ZSWIM8: variants seen among roughly 807,000 people sequenced by gnomAD.
ZSWIM8 encodes zinc finger SWIM domain-containing protein 8.
A neutral mutation model predicts 173.7 loss-of-function variants in ZSWIM8; 27 were observed. The observed-to-expected ratio is 0.16, with a 90% CI of 0.11 to 0.21. ZSWIM8 has a LOEUF of 0.21. Ranked by LOEUF, ZSWIM8 falls within the 10% of genes least tolerant of loss-of-function variation. ZSWIM8 has a pLI of 1.00. For synonymous variants in ZSWIM8, 958 were observed against 962.0 expected (o/e 1.00, Z 0.08); for missense variants, 1,627 against 2,428.8 (o/e 0.67, Z 6.94).
In ZSWIM8 at chr10:73,800,373, C is replaced by T. The variant is rs1327059802; in HGVS notation, c.4903C>T (p.Pro1635Ser). Residue 1635 changes from proline (P) to serine (S), a missense_variant, in exon 23 of 26, where the codon CCT becomes TCT. Pro to Ser is a moderately conservative substitution (Grantham distance 74). Coordinates refer to ENST00000604729, the MANE Select transcript of ZSWIM8 (RefSeq NM_001367799.1). This position sits in a 1 kb window ranked among gnomAD's most constrained non-coding sequence, Gnocchi z 4.1. ...GCCTGCCCTGACCACACAGCCCAGC[C>T]CTCTGGTGAGCGGAGGTTTTCCACC... ...SLPALTTQPS[P>S]LVSGGFPPPE... is the part of the protein sequence containing the mutation. 6 of 1,613,840 alleles carry T rather than the reference C, an allele frequency of 3.7e-6. No individual in the cohort carries two copies. The highest frequency in any genetic ancestry group is 5.1e-6 in the Non-Finnish European group (6 of 1,179,882).
At position 73,791,683 on chromosome 10, in the gene ZSWIM8, C is replaced by G. The variant is rs1317776942; in HGVS notation, c.1320-176C>G. ...TCTGAGAGGCTTTCATCCTTCCTTC[C>G]CCTAAATAACACCCACTTTTCAAAA... is the stretch of plus-strand genomic sequence containing the variant. On this transcript the variant is annotated intron_variant, in intron 9 of 25. Coordinates refer to ENST00000604729, the MANE Select transcript of ZSWIM8 (RefSeq NM_001367799.1). This position sits in a 1 kb window ranked among gnomAD's most constrained non-coding sequence, Gnocchi z 6.0. Among the ~76,000 whole-genome samples the G allele has an allele frequency of 2.6e-5, 4 of 152,144 alleles. No individual in the cohort carries two copies. Among genetic ancestry groups the G allele is most frequent in the Non-Finnish European group, 5.9e-5 (4 of 68,034 alleles).
At chr10:73,793,482 T>TG in intron 10 of ZSWIM8, 106 bp from the exon 11 acceptor site, 2 of 1,327,144 alleles carry the variant, frequency 1.5e-6, no homozygotes, top group African/African-American at 1.5e-5. Context: ...GCACAGGGCC[T>TG]GGCATGTAGC....
Position 73,785,833 on chromosome 10 carries a change from C to T in ZSWIM8, c.-46C>T. ...CTCAACCCCCGGCCGGCGGCCCAGG[C>T]CCCGGATCCGCGGGGGGGGACCCGG... On this transcript the variant is annotated 5_prime_UTR_variant, in exon 1 of 26. Coordinates refer to ENST00000604729, the MANE Select transcript of ZSWIM8 (RefSeq NM_001367799.1). The T allele has an allele frequency of 6.8e-7, 1 of 1,467,254 alleles. No homozygotes were observed. The highest frequency in any genetic ancestry group is 9.0e-7 in the Non-Finnish European group (1 of 1,106,960). The allele number at this position is 1,467,254 out of a possible 1,614,324, so 90.9% of individuals were successfully genotyped here.
intron 1 of ZSWIM8, among the ~76,000 whole-genome samples, chr10:73,787,881 AAAAT>A (rs1010772603): frequency 2.7e-5 from 4 of 150,220 alleles, no homozygotes; most frequent in Non-Finnish European, 4.5e-5. Context: ...TCAAAAAAAT[AAAAT>A]AAAGGGGTTA....
chr10:73,799,904 C>CTCTATCTA (rs60276651), intron 21 of ZSWIM8, 107 bp from the exon 22 acceptor site: 26 of 1,132,044 alleles, frequency 2.3e-5, no homozygotes, highest in Middle Eastern at 2.0e-4. Context: ...CAGAGCGAGA[C>CTCTATCTA]TCTATCTCAA....
rs1033261228 is a variant in ZSWIM8, at chr10:73,792,220, C to T, written c.1681C>T (p.Arg561Trp). ...GGGTGAGGGGGTCCCCTCATCACAG[C>T]GGGGTCCCCGCCGCCTCTCAGCTGA... ...GLGEGVPSSQRGPRRLSAEGG... is the reference protein window; with the variant it reads ...GLGEGVPSSQWGPRRLSAEGG... Residue 561 changes from arginine (R) to tryptophan (W), a missense_variant, in exon 10 of 26, where the codon CGG becomes TGG. Arg to Trp is a moderately radical substitution (Grantham distance 101). Coordinates refer to ENST00000604729, the MANE Select transcript of ZSWIM8 (RefSeq NM_001367799.1). The surrounding 1 kb of genome is among the most constrained non-coding windows in gnomAD (Gnocchi z 4.3). 4.1e-5 allele frequency: 64 copies of T among 1,551,662 alleles called. No homozygotes were observed. Among genetic ancestry groups the T allele is most frequent in the Non-Finnish European group, 4.8e-5 (55 of 1,148,760 alleles).
chr10:73,798,585 C>A, intron 20 of ZSWIM8, 132 bp downstream of exon 20: 1 of 801,382 alleles, frequency 1.2e-6, no homozygotes, highest in Admixed American at 2.8e-5. Context: ...CCTCTCATGG[C>A]AACATTTTAC....
intron 2 of ZSWIM8, 83 bp downstream of exon 2, chr10:73,788,906 AT>A: frequency 6.4e-7 from 1 of 1,562,936 alleles, no homozygotes; most frequent in Admixed American, 1.8e-5. Context: ...CAAAGGAGAC[AT>A]TGTATTTGGG....
In ZSWIM8 at chr10:73,791,272, T is replaced by G; in HGVS notation, c.1144-52T>G. The G allele has an allele frequency of 1.3e-6, 2 of 1,577,912 alleles. No homozygotes were observed. The highest frequency in any genetic ancestry group is 1.2e-5 in the South Asian group (1 of 86,620). The stretch of plus-strand genomic sequence containing the variant: ...CTGAAATGGACTCTGGGAGGGCTAC[T>G]CTGCCTTTCTCTGAGCTCTCAGGTG... On this transcript the variant is annotated intron_variant, in intron 8 of 25. Transcript: ENST00000604729. This position sits in a 1 kb window ranked among gnomAD's most constrained non-coding sequence, Gnocchi z 6.0.
chr10:73,786,354 G>A (rs1322728722), intron 1 of ZSWIM8: 3 of 375,982 alleles, frequency 8.0e-6, no homozygotes, highest in Non-Finnish European at 1.4e-5. Context: ...GTGCGCGCGC[G>A]CGCGTGCGCG....
chr10:73,787,507 G>A (rs2083268694), intron 1 of ZSWIM8, among the ~76,000 whole-genome samples: 1 of 152,168 alleles, frequency 6.6e-6, no homozygotes, highest in Non-Finnish European at 1.5e-5. Context: ...TAAAATCTGG[G>A]AAAACATGCC....
Position 73,797,178 on chromosome 10 carries a change from G to A in ZSWIM8, c.3340G>A (p.Gly1114Arg), listed in dbSNP as rs946487561. ...SEAALTPRPE[G>R]KVPSRLALGS... is the part of the protein sequence containing the mutation. Reference sequence around the variant, plus strand: ...GGCAGCTTTGACCCCAAGGCCAGAAGGGAAGGTTCCTAGCCGCTTGGCACT... The same window carrying A: ...GGCAGCTTTGACCCCAAGGCCAGAAAGGAAGGTTCCTAGCCGCTTGGCACT... Residue 1114 changes from glycine (G) to arginine (R), a missense_variant, in exon 17 of 26, where the codon GGG becomes AGG. Gly to Arg is a moderately radical substitution (Grantham distance 125). Around this residue, in one of 18 missense-constraint regions of ZSWIM8, gnomAD observed 163 missense variants for 193.2 expected, o/e 0.84. Transcript: ENST00000604729. This position sits in a 1 kb window ranked among gnomAD's most constrained non-coding sequence, Gnocchi z 5.6. 1 of 1,613,874 alleles carries A rather than the reference G, an allele frequency of 6.2e-7. No homozygotes were observed. The highest frequency in any genetic ancestry group is 1.3e-5 in the African/African-American group (1 of 74,942).
At position 73,786,047 on chromosome 10, in the gene ZSWIM8, G is replaced by A. The variant is rs2083204000; in HGVS notation, c.169G>A (p.Gly57Ser). The change falls in exon 1 of 26, where the codon GGC becomes AGC. Residue 57 changes from glycine (G) to serine (S), a missense_variant. Gly to Ser is a moderately conservative substitution (Grantham distance 56, BLOSUM62 0). Coordinates refer to ENST00000604729, the MANE Select transcript of ZSWIM8 (RefSeq NM_001367799.1). ...QSAGPNSPTG[G>S]GGGGGSGGTR... Reference sequence around the variant, plus strand: ...AGCGGGGCCCAATTCCCCCACTGGCGGCGGTGGCGGAGGTGGCAGTGGCGG... The same window carrying A: ...AGCGGGGCCCAATTCCCCCACTGGCAGCGGTGGCGGAGGTGGCAGTGGCGG... 5.6e-6 allele frequency: 9 copies of A among 1,594,626 alleles called. No individual in the cohort carries two copies. Among genetic ancestry groups the A allele is most frequent in the South Asian group, 5.6e-5 (5 of 88,752 alleles).
Position 73,800,647 on chromosome 10 carries a change from G to A in ZSWIM8, c.5010G>A (p.Leu1670=). 6.2e-7 allele frequency: 1 copy of A among 1,613,696 alleles called. No individual in the cohort carries two copies. Among genetic ancestry groups the A allele is most frequent in the South Asian group, 1.1e-5 (1 of 91,076 alleles). The change falls in exon 24 of 26, where the codon CTG becomes CTA. Residue 1670 remains leucine, a synonymous_variant. Transcript: ENST00000604729. This position sits in a 1 kb window ranked among gnomAD's most constrained non-coding sequence, Gnocchi z 4.1. ...CCCTTATCTATCTCCCAGGAATGCT[G>A]GCACTGGAGATGCTGGGTCGCCGGG... The part of the protein sequence containing the change: ...HLHAAYRVGM[L]ALEMLGRRAH...
At chr10:73,786,983 G>A (rs1246254167) in intron 1 of ZSWIM8, among the ~76,000 whole-genome samples, 3 of 140,208 alleles carry the variant, frequency 2.1e-5, no homozygotes, top group Non-Finnish European at 4.6e-5. Flanking sequence ...TGCTCTTGTT[G>A]CCCAGGCTGG....
chr10:73,796,101 G>T (rs558909304), intron 15 of ZSWIM8, among the ~76,000 whole-genome samples: 2 of 152,122 alleles, frequency 1.3e-5, no homozygotes, highest in South Asian at 4.1e-4. Flanking sequence ...AGTGGCTCAT[G>T]CCTGTAATCT....
rs1413878668 is a variant in ZSWIM8, at chr10:73,797,855, A to T, written c.3737A>T (p.Tyr1246Phe). The change falls in exon 19 of 26, where the codon TAC becomes TTC. Residue 1246 changes from tyrosine to phenylalanine, a missense_variant. Tyr to Phe is a conservative substitution (Grantham distance 22, BLOSUM62 3). Transcript: ENST00000604729. The surrounding 1 kb of genome is among the most constrained non-coding windows in gnomAD (Gnocchi z 5.6). ...NQPSEAAAHFYFELAKTVLIK... is the reference protein window; with the variant it reads ...NQPSEAAAHFFFELAKTVLIK... ...CCATCAGAGGCAGCTGCACACTTCTACTTCGAGCTGGCGAAGACAGTGCTG... is the reference window on the plus strand; with the variant it reads ...CCATCAGAGGCAGCTGCACACTTCTTCTTCGAGCTGGCGAAGACAGTGCTG... The T allele has an allele frequency of 6.2e-7, 1 of 1,613,532 alleles. No homozygotes were observed. Among genetic ancestry groups the T allele is most frequent in the East Asian group, 2.2e-5 (1 of 44,844 alleles).
chr10:73,798,164 CATT>C, intron 19 of ZSWIM8, 63 bp from the exon 20 acceptor site: 1 of 1,595,694 alleles, frequency 6.3e-7, no homozygotes, highest in Non-Finnish European at 8.6e-7. Flanking sequence ...GATAAAAAGA[CATT>C]ATTCTCACAC....
rs772552553 is a variant in ZSWIM8, at chr10:73,794,346, C to G, written c.2809+16C>G. On this transcript the variant is annotated intron_variant, in intron 13 of 25. Transcript: ENST00000604729. ...TGTGCTCCAGGTATGATGCCTGACC[C>G]TACAGTAAGTGGGGAACTGGGGTAG... 2 of 1,611,560 alleles carry G rather than the reference C, an allele frequency of 1.2e-6. No homozygotes were observed. The highest frequency in any genetic ancestry group is 3.3e-5 in the Admixed American group (2 of 59,802).
Sources: allele counts gnomAD v4.1 joint callset (sites outside exome capture counted in the v4.1 genomes callset), GRCh38; gene constraint gnomAD v4.1.1; regional missense constraint gnomAD v4.1.1; non-coding constraint Gnocchi (gnomAD v3.1); transcripts MANE v1.5; gene names NCBI Gene and HGNC (gene_info 2026-07-23, HGNC 2026-07-21).